CNN3: variants seen among roughly 807,000 people sequenced by gnomAD.
CNN3 encodes calponin-3.
CNN3 carries 11 observed loss-of-function variants against 39.0 expected under a neutral mutation model. The ratio of observed to expected loss-of-function variants is 0.28; its 90% CI spans 0.18 to 0.47. CNN3 has a LOEUF of 0.47. Among genes scored for constraint, CNN3 ranks in the 20% least tolerant of loss-of-function variants. The pLI is 0.99. For synonymous variants in CNN3, 101 were observed against 138.3 expected, an observed-to-expected ratio of 0.73 and a Z score of 1.89; for missense variants, 266 against 403.4, an observed-to-expected ratio of 0.66 and a Z score of 2.92.
intron 1 of CNN3, among the ~76,000 whole-genome samples, chr1:94,917,255 C>T (rs943130979): frequency 1.3e-5 from 2 of 152,134 alleles, no homozygotes; most frequent in Non-Finnish European, 2.9e-5. Context: ...AGGCTGGTCT[C>T]GAACTCCCGA....
chr1:94,918,022 TCTGTA>T (rs1232136337), intron 1 of CNN3, among the ~76,000 whole-genome samples: 15 of 152,200 alleles, frequency 9.9e-5, no homozygotes, highest in Non-Finnish European at 1.6e-4. Flanking sequence ...ACAGGAACTC[TCTGTA>T]CTATACACAG....
intron 1 of CNN3, among the ~76,000 whole-genome samples, chr1:94,905,704 T>TTCA (rs1418969663): frequency 6.6e-6 from 1 of 152,214 alleles, no homozygotes; most frequent in Admixed American, 6.5e-5. Context: ...TTTGCAGTGT[T>TTCA]TCATGGATCA....
chr1:94,923,085 C>T (rs1367978155), intron 1 of CNN3, among the ~76,000 whole-genome samples: 8 of 152,170 alleles, frequency 5.3e-5, no homozygotes, highest in Non-Finnish European at 8.8e-5. Flanking sequence ...AAGGTTCCTG[C>T]GGCATTTGCT....
At chr1:94,917,264 G>A (rs371015183) in intron 1 of CNN3, among the ~76,000 whole-genome samples, 1 of 152,118 alleles carries the variant, frequency 6.6e-6, no homozygotes, top group African/African-American at 2.4e-5. Flanking sequence ...TCGAACTCCC[G>A]ACCTCAGTTG....
chr1:94,901,155 A>C (rs1571515951), intron 5 of CNN3, among the ~76,000 whole-genome samples: 1 of 152,084 alleles, frequency 6.6e-6, no homozygotes, highest in Non-Finnish European at 1.5e-5. Flanking sequence ...GGAGTTCAAG[A>C]CCAGCCTGGC....
intron 5 of CNN3, among the ~76,000 whole-genome samples, chr1:94,900,290 A>T (rs1157896275): frequency 2.0e-5 from 3 of 152,214 alleles, no homozygotes; most frequent in African/African-American, 7.2e-5. Flanking sequence ...ATAAGCAAAA[A>T]GGAGGGGGGA....
intron 1 of CNN3, among the ~76,000 whole-genome samples, chr1:94,905,118 C>T (rs1349273010): frequency 6.6e-6 from 1 of 152,082 alleles, no homozygotes; most frequent in Non-Finnish European, 1.5e-5. Context: ...AGGTCCTTTC[C>T]AAGGGAGAGA....
In CNN3 at chr1:94,926,792, C is replaced by T. The variant is rs1423126940; in HGVS notation, c.57+46G>A. ...AAGCACGGCCCAGCGCCAGGCCAGC[C>T]CAAGGGTGCCCCGGGGGCCCCCGCG... On this transcript the variant is annotated intron_variant, in intron 1 of 6. Coordinates refer to ENST00000370206, the MANE Select transcript of CNN3 (RefSeq NM_001839.5). This position sits in a 1 kb window ranked among gnomAD's most constrained non-coding sequence, Gnocchi z 4.2. 1.3e-6 allele frequency: 2 copies of T among 1,590,954 alleles called. No homozygotes were observed. Among genetic ancestry groups the T allele is most frequent in the Non-Finnish European group, 1.7e-6 (2 of 1,166,962 alleles).
intron 1 of CNN3, among the ~76,000 whole-genome samples, chr1:94,922,494 C>G (rs990090691): frequency 1.3e-5 from 2 of 152,132 alleles, no homozygotes; most frequent in African/African-American, 4.8e-5. Context: ...AATAAGAGAG[C>G]TTTATCTCTG....
Position 94,926,688 on chromosome 1 carries a change from CG to C in CNN3, c.57+149del. 1.2e-6 allele frequency: 1 copy of C among 854,526 alleles called. No homozygotes were observed. The highest frequency in any genetic ancestry group is 1.7e-5 in the South Asian group (1 of 59,014). 52.9% of individuals were successfully genotyped at this position (854,526 alleles called of 1,614,324 possible). On this transcript the variant is annotated intron_variant, in intron 1 of 6. Coordinates refer to ENST00000370206, the MANE Select transcript of CNN3 (RefSeq NM_001839.5). The surrounding 1 kb of genome is among the most constrained non-coding windows in gnomAD (Gnocchi z 4.2). ...CGCAAGCCCGGGGACTGGACGCGAC[CG>C]GGACAGGCAGAGACGCTCGCGCCGC... is the stretch of plus-strand genomic sequence containing the variant.
rs765026667 is a variant in CNN3 at position 94,901,763 on chromosome 1, G to A, written c.407C>T (p.Thr136Ile). Residue 136 changes from threonine (T) to isoleucine (I), a missense_variant, in exon 5 of 7, where the codon ACA (threonine) becomes ATA (isoleucine). Transcript: ENST00000370206. Reference protein sequence around the residue: ...AGLAKTKGFHTTIDIGVKYAE... With the variant: ...AGLAKTKGFHITIDIGVKYAE... ...ATACTTAACTCCAATGTCAATGGTT[G>A]TATGGAATCCTTTTGTTTTAGCCTA... 6.2e-7 allele frequency: 1 copy of A among 1,613,656 alleles called. No individual in the cohort carries two copies. Among genetic ancestry groups the A allele is most frequent in the African/African-American group, 1.3e-5 (1 of 75,004 alleles).
intron 1 of CNN3, among the ~76,000 whole-genome samples, chr1:94,923,056 T>C (rs935950718): frequency 2.6e-5 from 4 of 152,180 alleles, no homozygotes; most frequent in African/African-American, 9.7e-5. Flanking sequence ...TTTTTCCACT[T>C]TCCCTGAGAC....
chr1:94,915,792 T>C (rs1207264722), intron 1 of CNN3, among the ~76,000 whole-genome samples: 1 of 152,188 alleles, frequency 6.6e-6, no homozygotes, highest in African/African-American at 2.4e-5. Flanking sequence ...CTCTTCCTAT[T>C]CCTGCTCTCT....
At chr1:94,925,280 T>C (rs1671547874) in intron 1 of CNN3, among the ~76,000 whole-genome samples, 1 of 152,160 alleles carries the variant, frequency 6.6e-6, no homozygotes, top group Non-Finnish European at 1.5e-5. Context: ...GGCCAAAGTA[T>C]CACATCACAT....
rs1223603964 is a variant in CNN3, at chr1:94,903,544, A to C, written c.58-20T>G. 1 of 1,613,210 alleles carries C rather than the reference A, an allele frequency of 6.2e-7. No homozygotes were observed. Among genetic ancestry groups the C allele is most frequent in the African/African-American group, 1.3e-5 (1 of 74,884 alleles). ...AGCAATCTGAAATACAGGTTAACTC[A>C]CTTTAGAAGAATTTCACAAAAGCAT... is the stretch of plus-strand genomic sequence containing the variant. On this transcript the variant is annotated intron_variant, in intron 1 of 6. Coordinates refer to ENST00000370206, the MANE Select transcript of CNN3 (RefSeq NM_001839.5).
chr1:94,900,470 G>T (rs568674847), intron 5 of CNN3, among the ~76,000 whole-genome samples: 2 of 152,258 alleles, frequency 1.3e-5, no homozygotes, highest in Non-Finnish European at 2.9e-5. Flanking sequence ...AGTATTTGAT[G>T]ATCTGATTTT....
rs1671589070 is a variant in CNN3, at chr1:94,926,578, C to G, written c.57+260G>C. ...CCGGAAAGGCTGGCGCCGCGGGACT[C>G]CAGGCGCCCGGGAACCCACCGCCAG... On this transcript the variant is annotated intron_variant, in intron 1 of 6. Transcript: ENST00000370206. This position sits in a 1 kb window ranked among gnomAD's most constrained non-coding sequence, Gnocchi z 4.2. 2.0e-5 allele frequency among the ~76,000 whole-genome samples: 3 copies of G among 151,998 alleles called. No homozygotes were observed. In the South Asian group the frequency reaches 6.2e-4, roughly 32 times the overall value.
intron 1 of CNN3, among the ~76,000 whole-genome samples, chr1:94,916,751 C>CAAAA (rs1671286759): frequency 6.6e-6 from 1 of 152,180 alleles, no homozygotes; most frequent in African/African-American, 2.4e-5. Context: ...CACAAAGTTT[C>CAAAA]CTCTGCTTCA....
intron 1 of CNN3, among the ~76,000 whole-genome samples, chr1:94,922,881 A>G (rs1671482414): frequency 6.6e-6 from 1 of 152,232 alleles, no homozygotes; most frequent in Admixed American, 6.5e-5. Flanking sequence ...TTTGTAATCA[A>G]GAAGATCCCG....
Sources: gnomAD v4.1 joint callset for allele counts (sites outside exome capture counted in the v4.1 genomes callset) on GRCh38, gnomAD v4.1.1 for gene constraint, Gnocchi (gnomAD v3.1) non-coding constraint, MANE v1.5 for transcripts, NCBI Gene and HGNC (gene_info 2026-07-23, HGNC 2026-07-21) for gene names.